ADAM10: variants seen among roughly 807,000 people sequenced by gnomAD.
The protein encoded by ADAM10 is disintegrin and metalloproteinase domain-containing protein 10.
A neutral mutation model predicts 90.1 loss-of-function variants in ADAM10; 17 were observed. The observed-to-expected ratio is 0.19, with a 90% CI of 0.13 to 0.28. The LOEUF is 0.28. ADAM10 is among the 10% of genes least tolerant of loss of function. The pLI, the probability that ADAM10 is intolerant of heterozygous loss-of-function variation, is 1.00. For synonymous variants in ADAM10, 310 were observed against 298.6 expected (o/e 1.04, Z -0.40); for missense variants, 610 against 914.3 (o/e 0.67, Z 4.29).
chr15:58,668,504 TA>T (rs1366335282), intron 4 of ADAM10, among the ~76,000 whole-genome samples: 8 of 152,106 alleles, frequency 5.3e-5, no homozygotes, highest in African/African-American at 1.9e-4. Context: ...GCCAGAGTAA[TA>T]GGGCTGAGGC....
chr15:58,633,097 G>GT (rs1388192852), intron 9 of ADAM10, 99 bp downstream of exon 9: 6 of 1,171,524 alleles, frequency 5.1e-6, no homozygotes, highest in African/African-American at 1.5e-5. Flanking sequence ...CTAAACACTC[G>GT]TAAGTACATT....
At chr15:58,655,935 C>T (rs1896819094) in intron 5 of ADAM10, among the ~76,000 whole-genome samples, 1 of 150,708 alleles carries the variant, frequency 6.6e-6, no homozygotes, top group South Asian at 2.1e-4. Context: ...TTAATAGAGA[C>T]AGGATTTCGC....
chr15:58,689,612 C>A (rs888263241), intron 2 of ADAM10, among the ~76,000 whole-genome samples: 1 of 151,936 alleles, frequency 6.6e-6, no homozygotes, highest in African/African-American at 2.4e-5. Flanking sequence ...AATACATTGT[C>A]AATGAAGAAT....
chr15:58,589,399 C>T lies in ADAM10; in HGVS notation c.*8148G>A, dbSNP rs2140977724. On this transcript the variant is annotated 3_prime_UTR_variant, in exon 16 of 16. Coordinates refer to ENST00000260408, the MANE Select transcript of ADAM10 (RefSeq NM_001110.4). ...ACTCCAAAACTCAGGTCCAGCTTTT[C>T]TCCTCTGGGAAGTCATCTTGGCTCT... The T allele has an allele frequency of 6.6e-6, 1 of 152,352 alleles. No individual in the cohort carries two copies. The highest frequency in any genetic ancestry group is 2.1e-4 in the South Asian group (1 of 4,832). The allele number at this position is 152,352 out of a possible 1,614,324, so 9.4% of individuals were successfully genotyped here.
intron 2 of ADAM10, among the ~76,000 whole-genome samples, chr15:58,683,201 A>T (rs775602664): frequency 1.3e-5 from 2 of 152,212 alleles, no homozygotes; most frequent in Non-Finnish European, 2.9e-5. Flanking sequence ...TTAAAAGTAT[A>T]TCAAGTCTTT....
At chr15:58,637,698 G>A (rs750912684) in intron 8 of ADAM10, among the ~76,000 whole-genome samples, 27 of 152,222 alleles carry the variant, frequency 1.8e-4, no homozygotes, top group Admixed American at 3.3e-4. Flanking sequence ...TACTGTGTGT[G>A]TGTGTGTAGA....
intron 5 of ADAM10, among the ~76,000 whole-genome samples, chr15:58,661,401 A>C (rs1896964102): frequency 6.6e-6 from 1 of 152,100 alleles, no homozygotes; most frequent in Non-Finnish European, 1.5e-5. Flanking sequence ...CTTGTTTTTG[A>C]AAATTATTTT....
intron 2 of ADAM10, among the ~76,000 whole-genome samples, chr15:58,700,959 C>T (rs537900542): frequency 3.9e-4 from 56 of 144,654 alleles, no homozygotes; most frequent in Admixed American, 1.2e-3. Flanking sequence ...GAGCTATGAT[C>T]ATGCCACTGC....
At position 58,749,526 on chromosome 15, in the gene ADAM10, C is replaced by T; in HGVS notation, c.9G>A (p.Leu3=). MV[L]LRVLILLLSW... ...AGAGGAGCAGAATTAACACTCTCAG[C>T]AACACCATCTTCCGCTGCCGCTGCC... The change falls in exon 1 of 16, where the codon TTG becomes TTA. Residue 3 remains leucine (L), a synonymous_variant. Transcript: ENST00000260408. The T allele has an allele frequency of 6.4e-7, 1 of 1,553,656 alleles. No homozygotes were observed. The highest frequency in any genetic ancestry group is 1.2e-5 in the South Asian group (1 of 84,226).
At chr15:58,691,396 C>T (rs761475688) in intron 2 of ADAM10, 50 of 761,778 alleles carry the variant, frequency 6.6e-5, no homozygotes, top group South Asian at 1.1e-4. Context: ...CACTCTTGCT[C>T]CACAAAAGCA....
intron 5 of ADAM10, among the ~76,000 whole-genome samples, chr15:58,649,278 A>G (rs1291308410): frequency 1.6e-4 from 25 of 152,156 alleles, no homozygotes; most frequent in Admixed American, 1.6e-3. Flanking sequence ...GTTCCTAGAA[A>G]AGAACCTCAG....
At chr15:58,653,797 A>G (rs1201429708) in intron 5 of ADAM10, among the ~76,000 whole-genome samples, 1 of 152,080 alleles carries the variant, frequency 6.6e-6, no homozygotes, top group African/African-American at 2.4e-5. Flanking sequence ...TATTAGTTAT[A>G]TTGTAAATAT....
intron 11 of ADAM10, among the ~76,000 whole-genome samples, chr15:58,621,012 T>A (rs1352749359): frequency 1.3e-5 from 2 of 151,820 alleles, no homozygotes; most frequent in Non-Finnish European, 2.9e-5. Context: ...GTCCTTTGAG[T>A]ATGTCCTTTT....
chr15:58,598,293 C>A (rs1159039338), intron 15 of ADAM10, among the ~76,000 whole-genome samples: 2 of 152,196 alleles, frequency 1.3e-5, no homozygotes, highest in Non-Finnish European at 2.9e-5. Flanking sequence ...AAATGTTTCA[C>A]TGAATAAGAC....
chr15:58,613,722 T>C (rs149018516), intron 11 of ADAM10, among the ~76,000 whole-genome samples: 1,593 of 152,084 alleles, frequency 0.01, 23 homozygotes, highest in African/African-American at 0.036. Context: ...AACTTCAAGA[T>C]AGAATGTTTG....
intron 2 of ADAM10, among the ~76,000 whole-genome samples, chr15:58,702,882 T>TA (rs1427620258): frequency 6.6e-6 from 1 of 152,152 alleles, no homozygotes; most frequent in Non-Finnish European, 1.5e-5. Context: ...CAGAACAAAT[T>TA]AAAGATTGTC....
intron 5 of ADAM10, among the ~76,000 whole-genome samples, chr15:58,662,142 T>C (rs1380547502): frequency 6.6e-6 from 1 of 152,238 alleles, no homozygotes; most frequent in Non-Finnish European, 1.5e-5. Flanking sequence ...AATGTTATAC[T>C]GCTGAGTAAC....
chr15:58,709,419 C>T (rs542659227), intron 2 of ADAM10, among the ~76,000 whole-genome samples: 57 of 152,260 alleles, frequency 3.7e-4, no homozygotes, highest in African/African-American at 1.3e-3. Flanking sequence ...GTCTAGGTCA[C>T]CAACTCTAGA....
intron 14 of ADAM10, chr15:58,609,373 G>C (rs1247887490): frequency 6.6e-6 from 1 of 152,050 alleles, no homozygotes; most frequent in African/African-American, 2.4e-5. Context: ...TGTGTCCTAG[G>C]AACGGTAAAC....
Sources: allele counts gnomAD v4.1 joint callset (sites outside exome capture counted in the v4.1 genomes callset), GRCh38; gene constraint gnomAD v4.1.1; transcripts MANE v1.5; gene names NCBI Gene and HGNC (gene_info 2026-07-23, HGNC 2026-07-21).